The following WDR70 variants were observed in gnomAD, a reference collection of about 807,000 sequenced individuals.
WDR70 encodes the protein WD repeat-containing protein 70.
Under a neutral mutation model 88.6 loss-of-function variants are expected in WDR70, and 53 were observed. The observed-to-expected ratio is 0.60, with a 90% CI of 0.48 to 0.75. The LOEUF is 0.75. Ranked by LOEUF, WDR70 falls within the 30% of genes least tolerant of loss-of-function variation. WDR70 has a pLI of 0.00. For missense variants in WDR70, 610 were observed against 823.2 expected (o/e 0.74, Z 3.17); for synonymous variants, 280 against 270.0 (o/e 1.04, Z -0.36).
At chr5:37,482,423 A>G (rs1366739056) in intron 8 of WDR70, among the ~76,000 whole-genome samples, 1 of 152,224 alleles carries the variant, frequency 6.6e-6, no homozygotes, top group African/African-American at 2.4e-5. Context: ...CATGTCTCAC[A>G]TAGCAGCAGG....
intron 7 of WDR70, among the ~76,000 whole-genome samples, chr5:37,459,301 C>T (rs1738926572): frequency 8.1e-6 from 1 of 124,028 alleles, no homozygotes. Context: ...AATGTATATT[C>T]TTTTGATTTG....
chr5:37,647,195 C>T (rs1473864125), intron 10 of WDR70, among the ~76,000 whole-genome samples: 1 of 152,182 alleles, frequency 6.6e-6, no homozygotes, highest in East Asian at 1.9e-4. Flanking sequence ...TTTTCAACTG[C>T]AGAATTTCTA....
At chr5:37,499,568 A>T (rs1365574189) in intron 8 of WDR70, among the ~76,000 whole-genome samples, 8 of 104,162 alleles carry the variant, frequency 7.7e-5, no homozygotes, top group African/African-American at 1.3e-4. Context: ...TCCTTTTTTA[A>T]ATATGTGATT....
At chr5:37,449,284 A>T (rs1316672251) in intron 7 of WDR70, among the ~76,000 whole-genome samples, 1 of 151,986 alleles carries the variant, frequency 6.6e-6, no homozygotes. Context: ...ATACTCCCTT[A>T]ATTTTTGATA....
chr5:37,475,335 A>C (rs769717367), intron 7 of WDR70, among the ~76,000 whole-genome samples: 12 of 152,124 alleles, frequency 7.9e-5, no homozygotes, highest in Non-Finnish European at 1.6e-4. Flanking sequence ...CCCAGGTTCA[A>C]GCAATTCTCC....
At chr5:37,615,423 A>C (rs1744310015) in intron 10 of WDR70, among the ~76,000 whole-genome samples, 1 of 152,206 alleles carries the variant, frequency 6.6e-6, no homozygotes. Context: ...CAGGGAATAC[A>C]ATAGGAAACA....
intron 10 of WDR70, among the ~76,000 whole-genome samples, chr5:37,622,487 C>G (rs948168819): frequency 6.6e-6 from 1 of 152,040 alleles, no homozygotes; most frequent in Non-Finnish European, 1.5e-5. Flanking sequence ...GACTTGGAAC[C>G]AAGCCAAATG....
intron 7 of WDR70, among the ~76,000 whole-genome samples, 174 bp downstream of exon 7, chr5:37,443,546 T>G (rs58999463): frequency 0.42 from 63,302 of 152,116 alleles, 15,322 homozygotes; most frequent in Non-Finnish European, 0.54. Flanking sequence ...CTTACATTTC[T>G]TTTGTTTCAT....
At chr5:37,567,373 A>C (rs1315321167) in intron 9 of WDR70, among the ~76,000 whole-genome samples, 1 of 152,242 alleles carries the variant, frequency 6.6e-6, no homozygotes, top group East Asian at 1.9e-4. Context: ...TGCCCACAGA[A>C]TTTTAAGAAT....
chr5:37,525,330 C>G (rs1037444540), intron 9 of WDR70, among the ~76,000 whole-genome samples: 4 of 152,212 alleles, frequency 2.6e-5, no homozygotes, highest in African/African-American at 7.2e-5. Flanking sequence ...GAAACTCACT[C>G]AAAACCGCTC....
intron 17 of WDR70, 123 bp from the exon 18 acceptor site, chr5:37,752,363 A>T: frequency 3.1e-6 from 2 of 638,382 alleles, no homozygotes; most frequent in Non-Finnish European, 5.4e-6. Context: ...AATGATTTAT[A>T]TTTAATAATT....
At chr5:37,719,104 G>A (rs1747731381) in intron 13 of WDR70, among the ~76,000 whole-genome samples, 1 of 152,100 alleles carries the variant, frequency 6.6e-6, no homozygotes. Context: ...ACTTCATGAA[G>A]TTATGTTTGT....
At chr5:37,695,732 C>T (rs1306931591) in intron 10 of WDR70, among the ~76,000 whole-genome samples, 1 of 152,158 alleles carries the variant, frequency 6.6e-6, no homozygotes, top group Non-Finnish European at 1.5e-5. Flanking sequence ...TTCAGCCCCA[C>T]CTGCAATCCA....
chr5:37,649,052 T>G (rs1443245133), intron 10 of WDR70, among the ~76,000 whole-genome samples: 2 of 152,192 alleles, frequency 1.3e-5, no homozygotes, highest in Non-Finnish European at 2.9e-5. Context: ...TGTGCCCAAC[T>G]TTGTAAAATC....
intron 10 of WDR70, among the ~76,000 whole-genome samples, chr5:37,683,461 T>A (rs1330710301): frequency 6.6e-6 from 1 of 152,210 alleles, no homozygotes; most frequent in Non-Finnish European, 1.5e-5. Flanking sequence ...CTTAAGTGTG[T>A]TTTTGTAGTG....
At chr5:37,455,359 C>A (rs1487962341) in intron 7 of WDR70, among the ~76,000 whole-genome samples, 1 of 151,376 alleles carries the variant, frequency 6.6e-6, no homozygotes, top group Non-Finnish European at 1.5e-5. Context: ...ATTCTCCTGC[C>A]TCAGCCTGCT....
chr5:37,702,058 G>A (rs1359574096), intron 12 of WDR70, among the ~76,000 whole-genome samples: 1 of 152,078 alleles, frequency 6.6e-6, no homozygotes, highest in Admixed American at 6.6e-5. Flanking sequence ...TAGGCAAATT[G>A]TTCTATTTTG....
At chr5:37,512,406 G>C (rs1740747317) in intron 8 of WDR70, among the ~76,000 whole-genome samples, 1 of 151,962 alleles carries the variant, frequency 6.6e-6, no homozygotes, top group African/African-American at 2.4e-5. Flanking sequence ...ATTTTTTGTA[G>C]AGATGGGGTT....
intron 10 of WDR70, among the ~76,000 whole-genome samples, chr5:37,679,507 G>C (rs956648264): frequency 6.6e-6 from 1 of 152,220 alleles, no homozygotes. Context: ...ACCAGACCCT[G>C]TTTGCCTGGG....
Sources: gnomAD v4.1 joint callset for allele counts (sites outside exome capture counted in the v4.1 genomes callset) on GRCh38, gnomAD v4.1.1 for gene constraint, MANE v1.5 for transcripts, NCBI Gene and HGNC (gene_info 2026-07-23, HGNC 2026-07-21) for gene names.